CACNA1C: variants seen among roughly 807,000 people sequenced by gnomAD.
CACNA1C encodes voltage-dependent L-type calcium channel subunit alpha-1C.
CACNA1C carries 30 observed loss-of-function variants against 229.0 expected under a neutral mutation model. That is an observed-to-expected ratio of 0.13 (90% CI 0.10 to 0.18). The LOEUF is 0.18. Among genes scored for constraint, CACNA1C ranks in the 10% least tolerant of loss-of-function variants. The pLI, the probability that CACNA1C is intolerant of heterozygous loss-of-function variation, is 1.00. For synonymous variants in CACNA1C, 1,114 were observed against 1,132.5 expected, an observed-to-expected ratio of 0.98 and a Z score of 0.33; for missense variants, 1,658 against 2,845.0, an observed-to-expected ratio of 0.58 and a Z score of 9.49.
chr12:2,688,508 C>G lies in CACNA1C; in HGVS notation c.5846C>G (p.Pro1949Arg), dbSNP rs1338627040. Residue 1949 changes from proline to arginine, a missense_variant, in exon 46 of 47, where the codon CCT becomes CGT. Pro to Arg is a moderately radical substitution (Grantham distance 103, BLOSUM62 -2). Around this residue, in one of 20 missense-constraint regions of CACNA1C, gnomAD observed 590 missense variants for 700.8 expected, o/e 0.84. Transcript: ENST00000399655. ...AGAAGCCATTCCCCTGCCTCATTCC[C>G]TAGGCCTTTTGCCACCCCACCAGCC... ...LQRSHSPASF[P>R]RPFATPPATP... 1.9e-6 allele frequency: 3 copies of G among 1,613,936 alleles called. No individual in the cohort carries two copies. The South Asian group carries it at 3.3e-5, about 18-fold the overall frequency.
At chr12:2,484,647 G>T (rs1412405627) in intron 5 of CACNA1C, among the ~76,000 whole-genome samples, 1 of 152,074 alleles carries the variant, frequency 6.6e-6, no homozygotes, top group African/African-American at 2.4e-5. Context: ...TTCATGCCTG[G>T]GTAGCCCAGA....
intron 3 of CACNA1C, among the ~76,000 whole-genome samples, chr12:2,247,034 C>CT (rs2073627372): frequency 6.6e-6 from 1 of 152,212 alleles, no homozygotes; most frequent in Non-Finnish European, 1.5e-5. Flanking sequence ...TAAGCTAAGA[C>CT]TATAAAGTAA....
chr12:2,479,442 G>A lies in CACNA1C; in HGVS notation c.758-6662G>A, dbSNP rs999980281. Among the ~76,000 whole-genome samples the A allele has an allele frequency of 4.6e-5, 7 of 152,160 alleles. No individual in the cohort carries two copies. Among genetic ancestry groups the A allele is most frequent in the Admixed American group, 2.0e-4 (3 of 15,280 alleles). On this transcript the variant is annotated intron_variant, in intron 5 of 46. Transcript: ENST00000399655. The surrounding 1 kb of genome is among the most constrained non-coding windows in gnomAD (Gnocchi z 4.3). ...GATGACATCCAATTCTAAGAGGAAG[G>A]ACTTGTAGCGAAGCTTAGAATTTGC...
intron 1 of CACNA1C, among the ~76,000 whole-genome samples, chr12:1,985,298 A>G (rs1320089371): frequency 6.6e-6 from 1 of 152,180 alleles, no homozygotes; most frequent in Non-Finnish European, 1.5e-5. Context: ...TTCATTTTTA[A>G]AAAACATCTT....
intron 1 of CACNA1C, among the ~76,000 whole-genome samples, chr12:1,984,245 G>T (rs1430847309): frequency 6.6e-6 from 1 of 152,032 alleles, no homozygotes; most frequent in Non-Finnish European, 1.5e-5. Context: ...CGATATGGTT[G>T]AACTTGGGTA....
chr12:2,639,064 T>G lies in CACNA1C; in HGVS notation c.3912+4684T>G, dbSNP rs559243341. Among the ~76,000 whole-genome samples the G allele has an allele frequency of 3.3e-5, 5 of 152,324 alleles. No homozygotes were observed. Among genetic ancestry groups the G allele is most frequent in the South Asian group, 2.1e-4 (1 of 4,830 alleles). The stretch of plus-strand genomic sequence containing the variant: ...CTTCTGTTCATCTGGGAGATGCCGC[T>G]GAACAACTGCCAGGTGTCACAAGAG... On this transcript the variant is annotated intron_variant, in intron 30 of 46. Transcript: ENST00000399655. This position sits in a 1 kb window ranked among gnomAD's most constrained non-coding sequence, Gnocchi z 4.2.
Position 2,542,396 on chromosome 12 carries a change from TAC to T in CACNA1C, c.1391-7545_1391-7544del, listed in dbSNP as rs377517826. ...GAACTGTCAAGAGAGCCATTCGTTT[TAC>T]AGAGAGCTCACTTCCTATGGGGAAA... On this transcript the variant is annotated intron_variant, in intron 9 of 46. Transcript: ENST00000399655. Among the ~76,000 whole-genome samples, 1,019 of 152,350 alleles carry T rather than the reference TAC, an allele frequency of 6.7e-3. 9 individuals carry two copies. Among genetic ancestry groups the T allele is most frequent in the African/African-American group, 0.023 (967 of 41,588 alleles).
Position 2,071,114 on chromosome 12 carries a change from TCCCCTTC to T in CACNA1C, c.49+17513_49+17519del, listed in dbSNP as rs371551792. ...TCCTTCCTTCCTCCTTCCTTCCCTT[TCCCCTTC>T]CCCCTTCCCGCTTCCCCCTCCTCCC... is the stretch of plus-strand genomic sequence containing the variant. On this transcript the variant is annotated intron_variant, in intron 1 of 46. Transcript: ENST00000399655. Among the ~76,000 whole-genome samples, 188 of 17,818 alleles carry T rather than the reference TCCCCTTC, an allele frequency of 0.011. 6 individuals carry two copies. The Middle Eastern group carries it at 0.12, about 12-fold the overall frequency. 11.7% of individuals were successfully genotyped at this position (17,818 alleles called of 152,430 possible).
chr12:2,437,672 GTGA>G (rs1330740444), intron 3 of CACNA1C, among the ~76,000 whole-genome samples: 1 of 152,168 alleles, frequency 6.6e-6, no homozygotes, highest in Non-Finnish European at 1.5e-5. Flanking sequence ...GGTGGTAATG[GTGA>G]TGATGGGGGA....
chr12:2,258,858 C>G (rs1316067653), intron 3 of CACNA1C, among the ~76,000 whole-genome samples: 3 of 152,164 alleles, frequency 2.0e-5, no homozygotes, highest in South Asian at 4.1e-4. Context: ...TTTAAGTTTT[C>G]AGGAGAGAAG....
intron 3 of CACNA1C, among the ~76,000 whole-genome samples, chr12:2,218,769 C>G (rs565971730): frequency 3.0e-4 from 45 of 152,268 alleles, no homozygotes; most frequent in African/African-American, 1.1e-3. Context: ...AAATACAAAA[C>G]AGGGAGGTTC....
chr12:2,021,951 G>A (rs1051169686), intron 1 of CACNA1C, among the ~76,000 whole-genome samples: 4 of 152,142 alleles, frequency 2.6e-5, no homozygotes, highest in South Asian at 2.1e-4. Context: ...TCAGACTATC[G>A]CAAGTACAGC....
rs551268420 is a variant in CACNA1C, at chr12:2,606,919, C to T, written c.3210-65C>T. 1.9e-5 allele frequency: 30 copies of T among 1,572,062 alleles called. No homozygotes were observed. In the East Asian group the frequency reaches 6.8e-4, roughly 35 times the overall value. On this transcript the variant is annotated intron_variant, in intron 25 of 46. Transcript: ENST00000399655. ...CCATCCCACCCAGCATTCAAGGTCA[C>T]TGGCAGGCCAGGCGTGAAGGAAGAT... is the stretch of plus-strand genomic sequence containing the variant.
intron 5 of CACNA1C, among the ~76,000 whole-genome samples, chr12:2,465,295 A>G (rs1346971651): frequency 6.6e-6 from 1 of 152,242 alleles, no homozygotes; most frequent in Non-Finnish European, 1.5e-5. Context: ...AAAAATCACC[A>G]GAGAGGCATG....
In CACNA1C at chr12:2,601,995, G is replaced by A; in HGVS notation, c.2960+35G>A. 1.4e-6 allele frequency: 2 copies of A among 1,395,334 alleles called. No individual in the cohort carries two copies. Among genetic ancestry groups the A allele is most frequent in the Non-Finnish European group, 2.0e-6 (2 of 980,516 alleles). The allele number at this position is 1,395,334 out of a possible 1,614,324, so 86.4% of individuals were successfully genotyped here. A position where few individuals can be genotyped will look rare whatever the true frequency, so the allele number is the denominator to read the frequency against. On this transcript the variant is annotated intron_variant, in intron 22 of 46. Coordinates refer to ENST00000399655, the MANE Select transcript of CACNA1C (RefSeq NM_000719.7). The surrounding 1 kb of genome is among the most constrained non-coding windows in gnomAD (Gnocchi z 5.9). ...AGCCCCTCAGCCCACGATGGGCCAT[G>A]CAGCTAGCAAGGGGTGCCAGAGAGG...
At chr12:2,191,431 C>T (rs986326409) in intron 3 of CACNA1C, among the ~76,000 whole-genome samples, 12 of 152,090 alleles carry the variant, frequency 7.9e-5, no homozygotes, top group African/African-American at 2.4e-4. Context: ...CCAGGCTCAC[C>T]GGGAGTCACG....
chr12:2,606,699 CG>C, intron 25 of CACNA1C, 36 bp downstream of exon 25: 1 of 1,582,930 alleles, frequency 6.3e-7, no homozygotes, highest in Non-Finnish European at 8.6e-7. Context: ...GGGCCACGGC[CG>C]GTCAGCCCCA....
rs186717697 is a variant in CACNA1C at position 2,098,519 on chromosome 12, G to A, written c.50-16705G>A. On this transcript the variant is annotated intron_variant, in intron 1 of 46. Coordinates refer to ENST00000399655, the MANE Select transcript of CACNA1C (RefSeq NM_000719.7). ...GTGACCCACCTTCCCCATACAGTGC[G>A]ATCCCCTGACAATGGAAGAATTTCA... 8.5e-3 allele frequency among the ~76,000 whole-genome samples: 1,299 copies of A among 152,282 alleles called. 17 individuals are homozygous for A. The highest frequency in any genetic ancestry group is 0.029 in the African/African-American group (1,206 of 41,546).
chr12:2,155,919 C>T (rs755937691), intron 3 of CACNA1C, among the ~76,000 whole-genome samples: 18 of 151,948 alleles, frequency 1.2e-4, no homozygotes, highest in Non-Finnish European at 2.2e-4. Flanking sequence ...TTTTTCTGTC[C>T]CCTCCATAGT....
Sources: allele counts gnomAD v4.1 joint callset (sites outside exome capture counted in the v4.1 genomes callset), GRCh38; gene constraint gnomAD v4.1.1; regional missense constraint gnomAD v4.1.1; non-coding constraint Gnocchi (gnomAD v3.1); transcripts MANE v1.5; gene names NCBI Gene and HGNC (gene_info 2026-07-23, HGNC 2026-07-21).